Variants in OAS1 observed in about 807,000 individuals in gnomAD.
OAS1 encodes 2'-5'-oligoadenylate synthase 1.
A neutral mutation model predicts 38.5 loss-of-function variants in OAS1; 24 were observed. The ratio of observed to expected loss-of-function variants is 0.62; its 90% confidence interval spans 0.45 to 0.88. The LOEUF is 0.88. Among genes scored for constraint, OAS1 ranks in the 40% least tolerant of loss-of-function variants. The probability of loss-of-function intolerance (pLI) is 0.00; values close to 1 mark genes in which losing one functional copy is unlikely to be tolerated. For missense variants in OAS1, 482 were observed against 493.9 expected (o/e 0.98, Z 0.23); for synonymous variants, 169 against 193.9 (o/e 0.87, Z 1.07).
At chr12:112,913,019 G>A (rs970695139) in intron 3 of OAS1, among the ~76,000 whole-genome samples, 2 of 152,234 alleles carry the variant, frequency 1.3e-5, no homozygotes, top group Non-Finnish European at 2.9e-5. Context: ...TCCATCTGGG[G>A]TAATTTTCCT....
In OAS1 at chr12:112,919,461, CAT is replaced by C. The variant is rs373185084; in HGVS notation, c.1112_1113del (p.His371ArgfsTer8). Reference protein sequence around the residue: ...RYQKYGYIGTHEYPHFSHRPS... With the variant: ...RYQKYGYIGTXEYPHFSHRPS... ...TCAGAAATATGGTTACATTGGAACACATGAGTACCCTCATTTCTCTCATAGAC... is the reference window on the plus strand; with the variant it reads ...TCAGAAATATGGTTACATTGGAACACGAGTACCCTCATTTCTCTCATAGAC... On this transcript the variant is annotated frameshift_variant, in exon 6 of 6. Coordinates refer to ENST00000202917, the MANE Select transcript of OAS1 (RefSeq NM_016816.4). LOFTEE classifies it low-confidence loss of function (END_TRUNC). The C allele has an allele frequency of 6.2e-5, 100 of 1,614,188 alleles. 1 individual carries two copies. In the South Asian group the frequency reaches 7.2e-4, roughly 12 times the overall value.
At chr12:112,930,503 A>C in intron 6 of OAS1, among the ~76,000 whole-genome samples, 1 of 152,166 alleles carries the variant, frequency 6.6e-6, no homozygotes, top group South Asian at 2.1e-4. Context: ...CACTTGGGAC[A>C]CACCCTAGGG....
intron 3 of OAS1, among the ~76,000 whole-genome samples, chr12:112,914,247 G>T (rs1003008422): frequency 1.3e-5 from 2 of 152,172 alleles, no homozygotes; most frequent in Non-Finnish European, 2.9e-5. Context: ...CATCCAGGTT[G>T]CTGTGAATGC....
chr12:112,916,516 A>G lies in OAS1; in HGVS notation c.662A>G (p.Lys221Arg). Residue 221 changes from lysine (K) to arginine (R), a missense_variant, in exon 4 of 6, where the codon AAG becomes AGG. Physicochemically the swap from Lys to Arg is conservative, Grantham distance 26. Coordinates refer to ENST00000202917, the MANE Select transcript of OAS1 (RefSeq NM_016816.4). ...TGTTTTTCCTCTTCTCAGTGTAAGAAGAAGCTTGGGAAGCTGCCACCTCAG... is the reference window on the plus strand; with the variant it reads ...TGTTTTTCCTCTTCTCAGTGTAAGAGGAAGCTTGGGAAGCTGCCACCTCAG... ...LVKHWYQNCK[K>R]KLGKLPPQYA... 6.2e-7 allele frequency: 1 copy of G among 1,614,020 alleles called. No individual in the cohort carries two copies. Among genetic ancestry groups the G allele is most frequent in the Non-Finnish European group, 8.5e-7 (1 of 1,179,892 alleles).
intron 3 of OAS1, among the ~76,000 whole-genome samples, chr12:112,916,235 T>C (rs1331160924): frequency 6.6e-6 from 1 of 152,194 alleles, no homozygotes. Context: ...AATCCAGCGC[T>C]CTTAACAAGG....
chr12:112,926,905 T>G (rs993349956), intron 6 of OAS1, among the ~76,000 whole-genome samples: 6 of 152,172 alleles, frequency 3.9e-5, no homozygotes, highest in Admixed American at 3.9e-4. Flanking sequence ...CGGGAATGCA[T>G]TCTTTTCCCA....
chr12:112,913,926 G>T (rs972184601), intron 3 of OAS1, among the ~76,000 whole-genome samples: 8 of 152,016 alleles, frequency 5.3e-5, no homozygotes, highest in African/African-American at 1.7e-4. Flanking sequence ...CACAGAGAGA[G>T]GACTATTTTT....
At position 112,911,180 on chromosome 12, in the gene OAS1, A is replaced by G; in HGVS notation, c.599A>G (p.Gln200Arg). ...FTELQRDFLK[Q>R]RPTKLKSLIR... is the part of the protein sequence containing the mutation. ...GAACTACAGAGAGACTTCCTGAAGC[A>G]GCGCCCCACCAAGCTCAAGAGCCTC... The change falls in exon 3 of 6, where the codon CAG becomes CGG. Residue 200 changes from glutamine to arginine, a missense_variant. Coordinates refer to ENST00000202917, the MANE Select transcript of OAS1 (RefSeq NM_016816.4). 6.2e-7 allele frequency: 1 copy of G among 1,613,964 alleles called. No homozygotes were observed. The highest frequency in any genetic ancestry group is 8.5e-7 in the Non-Finnish European group (1 of 1,179,984).
downstream of OAS1, among the ~76,000 whole-genome samples, chr12:112,920,195 A>G (rs1378726975): frequency 2.6e-5 from 4 of 152,202 alleles, no homozygotes; most frequent in African/African-American, 9.7e-5. Context: ...TGGTTTTCCT[A>G]TTACTAATAA....
intron 6 of OAS1, among the ~76,000 whole-genome samples, chr12:112,925,861 AG>A (rs1327376656): frequency 6.6e-6 from 1 of 152,236 alleles, no homozygotes; most frequent in Non-Finnish European, 1.5e-5. Flanking sequence ...AGAGGACTGA[AG>A]GAGCTAATGG....
intron 6 of OAS1, among the ~76,000 whole-genome samples, chr12:112,931,401 C>T (rs561437112): frequency 2.0e-5 from 3 of 152,350 alleles, no homozygotes; most frequent in South Asian, 2.1e-4. Flanking sequence ...AGCTAATTTC[C>T]TAACCTCTCT....
intron 6 of OAS1, among the ~76,000 whole-genome samples, chr12:112,925,873 A>G (rs1438693143): frequency 6.6e-6 from 1 of 152,188 alleles, no homozygotes; most frequent in Non-Finnish European, 1.5e-5. Flanking sequence ...GAGCTAATGG[A>G]TGATGGATTT....
chr12:112,924,606 G>A (rs1021008234), downstream of OAS1, among the ~76,000 whole-genome samples: 24 of 152,106 alleles, frequency 1.6e-4, no homozygotes, highest in African/African-American at 5.8e-4. Context: ...TTTGTCATAT[G>A]TATTCCCAAG....
intron 3 of OAS1, among the ~76,000 whole-genome samples, chr12:112,913,718 T>G (rs1431624938): frequency 6.6e-6 from 1 of 152,178 alleles, no homozygotes; most frequent in Non-Finnish European, 1.5e-5. Context: ...TGGCTTTTAA[T>G]TCCCTGCTAA....
intron 3 of OAS1, among the ~76,000 whole-genome samples, chr12:112,913,461 C>T (rs1367711861): frequency 1.3e-5 from 2 of 152,144 alleles, no homozygotes; most frequent in Admixed American, 1.3e-4. Context: ...TCTCTCCTCA[C>T]CTTCTAGAAT....
intron 2 of OAS1, among the ~76,000 whole-genome samples, chr12:112,910,409 A>C (rs1203344752): frequency 6.6e-6 from 1 of 152,150 alleles, no homozygotes; most frequent in Non-Finnish European, 1.5e-5. Context: ...GTGATTAAAA[A>C]AGAAAAGAAA....
chr12:112,916,402 G>C, intron 3 of OAS1, 107 bp from the exon 4 acceptor site: 1 of 782,512 alleles, frequency 1.3e-6, no homozygotes, highest in Non-Finnish European at 2.1e-6. Context: ...TCGTTCCAAG[G>C]AAACTTTATA....
exon 7 of OAS1, chr12:112,931,949 C>T (rs780676688): frequency 1.1e-5 from 8 of 702,170 alleles, no homozygotes; most frequent in Non-Finnish European, 2.1e-5. Flanking sequence ...TTGCAACAGA[C>T]AAGAGGAGCC....
In OAS1 at chr12:112,908,572, C is replaced by T. The variant is rs147431531; in HGVS notation, c.217C>T (p.Arg73Ter). 49 of 1,613,976 alleles carry T rather than the reference C, an allele frequency of 3.0e-5. No individual in the cohort carries two copies. The highest frequency in any genetic ancestry group is 2.9e-4 in the African/African-American group (22 of 74,912). Residue 73 changes from arginine (R) to a stop codon, truncating the protein, a stop_gained, in exon 2 of 6, where the codon CGA becomes TGA. Coordinates refer to ENST00000202917, the MANE Select transcript of OAS1 (RefSeq NM_016816.4). LOFTEE classifies it high-confidence loss of function. Reference sequence around the variant, plus strand: ...AGGCAAGGGCACCACCCTCAGAGGCCGATCTGACGCTGACCTGGTTGTCTT... The same window carrying T: ...AGGCAAGGGCACCACCCTCAGAGGCTGATCTGACGCTGACCTGGTTGTCTT... ...SSGKGTTLRG[R>*]SDADLVVFLS...
Sources: allele counts gnomAD v4.1 joint callset (sites outside exome capture counted in the v4.1 genomes callset), GRCh38; gene constraint gnomAD v4.1.1; transcripts MANE v1.5; gene names NCBI Gene and HGNC (gene_info 2026-07-23, HGNC 2026-07-21).